The following TRAPPC8 variants were observed in gnomAD, a reference collection of about 807,000 sequenced individuals.
The protein encoded by TRAPPC8 is general sporulation gene 1 homolog.
Under a neutral mutation model 174.3 loss-of-function variants are expected in TRAPPC8, and 54 were observed. The observed-to-expected ratio is 0.31, with a 90% CI of 0.25 to 0.39. The LOEUF is 0.39. TRAPPC8 is among the 10% of genes least tolerant of loss of function. The pLI, the probability that TRAPPC8 is intolerant of heterozygous loss-of-function variation, is 1.00. For synonymous variants in TRAPPC8, 630 were observed against 579.9 expected, an observed-to-expected ratio of 1.09 and a Z score of -1.24; for missense variants, 1,531 against 1,699.1, an observed-to-expected ratio of 0.90 and a Z score of 1.74.
intron 12 of TRAPPC8, among the ~76,000 whole-genome samples, chr18:31,880,111 ATATATATATATTTT>A (rs1568082887): frequency 5.5e-5 from 5 of 90,364 alleles, no homozygotes; most frequent in African/African-American, 2.2e-4. Context: ...ATATATATAT[ATATATATATATTTT>A]TTTTTTTTTA....
intron 2 of TRAPPC8, among the ~76,000 whole-genome samples, chr18:31,925,570 C>A (rs145285468): frequency 6.6e-6 from 1 of 152,012 alleles, no homozygotes; most frequent in Non-Finnish European, 1.5e-5. Context: ...ACAGAGAGAA[C>A]AATAAGGGAG....
chr18:31,893,063 A>G lies in TRAPPC8; in HGVS notation c.1597-2197T>C, dbSNP rs1014521732. 3.3e-5 allele frequency among the ~76,000 whole-genome samples: 5 copies of G among 151,564 alleles called. No homozygotes were observed. In the East Asian group the frequency reaches 7.7e-4, roughly 23 times the overall value. ...AAAACAACATCTTGTTCCTTAACAT[A>G]CATTTCATTGTAGGACTGTTAATCT... On this transcript the variant is annotated intron_variant, in intron 11 of 28. Coordinates refer to ENST00000283351, the MANE Select transcript of TRAPPC8 (RefSeq NM_014939.5).
chr18:31,884,211 G>A (rs1598666759), intron 12 of TRAPPC8, among the ~76,000 whole-genome samples: 1 of 152,226 alleles, frequency 6.6e-6, no homozygotes, highest in Non-Finnish European at 1.5e-5. Flanking sequence ...AAAACCAGAT[G>A]GGAGTTTCCA....
chr18:31,934,472 CCAGT>C (rs772616339), intron 1 of TRAPPC8, among the ~76,000 whole-genome samples: 113 of 152,092 alleles, frequency 7.4e-4, no homozygotes, highest in Admixed American at 8.5e-4. Flanking sequence ...CCTAAACTTC[CCAGT>C]CAGTCTAATT....
At position 31,943,114 on chromosome 18, in the gene TRAPPC8, C is replaced by G. The variant is rs1197376396; in HGVS notation, c.-350G>C. 15 of 402,014 alleles carry G rather than the reference C, an allele frequency of 3.7e-5. No individual in the cohort carries two copies. Among genetic ancestry groups the G allele is most frequent in the African/African-American group, 2.3e-4 (11 of 48,604 alleles). 24.9% of individuals were successfully genotyped at this position (402,014 alleles called of 1,614,324 possible). ...CATGTTGAGGCCGAACCCTGACCAACCGGCAGTACTACTCCCAGCTGCCCC... is the reference window on the plus strand; with the variant it reads ...CATGTTGAGGCCGAACCCTGACCAAGCGGCAGTACTACTCCCAGCTGCCCC... On this transcript the variant is annotated 5_prime_UTR_variant, in exon 1 of 29. Coordinates refer to ENST00000283351, the MANE Select transcript of TRAPPC8 (RefSeq NM_014939.5).
chr18:31,909,038 C>A lies in TRAPPC8; in HGVS notation c.866-28G>T, dbSNP rs753279310. On this transcript the variant is annotated intron_variant, in intron 6 of 28. Coordinates refer to ENST00000283351, the MANE Select transcript of TRAPPC8 (RefSeq NM_014939.5). ...ACTGAAAAAGAGATTATTTCTTTTA[C>A]TCTCAGAATGCAACAGAAAACAGTG... 3 of 1,575,172 alleles carry A rather than the reference C, an allele frequency of 1.9e-6. No individual in the cohort carries two copies. The Admixed American group carries it at 5.2e-5, about 27-fold the overall frequency.
chr18:31,855,578 A>G (rs1389851380), intron 21 of TRAPPC8, 82 bp downstream of exon 21: 1 of 1,263,970 alleles, frequency 7.9e-7, no homozygotes, highest in Non-Finnish European at 1.1e-6. Context: ...TGTCTTGTAA[A>G]GGAAAACAAA....
chr18:31,913,256 T>A, intron 5 of TRAPPC8, 113 bp downstream of exon 5: 1 of 1,228,822 alleles, frequency 8.1e-7, no homozygotes, highest in Non-Finnish European at 1.1e-6. Context: ...CTCTGACAGA[T>A]CAAAACTGAC....
In TRAPPC8 at chr18:31,881,711, C is replaced by T. The variant is rs192994003; in HGVS notation, c.1729-7007G>A. 6.9e-4 allele frequency among the ~76,000 whole-genome samples: 105 copies of T among 152,038 alleles called. 1 individual carries two copies. Among genetic ancestry groups the T allele is most frequent in the Admixed American group, 4.7e-3 (72 of 15,268 alleles). On this transcript the variant is annotated intron_variant, in intron 12 of 28. Coordinates refer to ENST00000283351, the MANE Select transcript of TRAPPC8 (RefSeq NM_014939.5). ...AACTATTAGCAGAATAAATAACGTC[C>T]AAAATCTGAGAAAATACTTGCAAAC... is the stretch of plus-strand genomic sequence containing the variant.
chr18:31,912,984 C>T (rs1347027399), intron 5 of TRAPPC8, among the ~76,000 whole-genome samples: 1 of 151,958 alleles, frequency 6.6e-6, no homozygotes, highest in Non-Finnish European at 1.5e-5. Context: ...AAAAATTTGC[C>T]TGGCATGGTG....
intron 10 of TRAPPC8, 100 bp from the exon 11 acceptor site, chr18:31,897,991 T>C (rs374315904): frequency 4.2e-5 from 44 of 1,057,836 alleles, no homozygotes; most frequent in Middle Eastern, 3.0e-4. Flanking sequence ...TTTTAGAGGA[T>C]AGTTGCAGGG....
At chr18:31,911,321 A>G (rs1393794521) in intron 5 of TRAPPC8, among the ~76,000 whole-genome samples, 6 of 152,154 alleles carry the variant, frequency 3.9e-5, no homozygotes, top group Non-Finnish European at 7.3e-5. Flanking sequence ...GTTCAAGACC[A>G]GCCTAGCCAA....
intron 19 of TRAPPC8, among the ~76,000 whole-genome samples, chr18:31,861,326 T>C (rs2034310380): frequency 6.6e-6 from 1 of 152,210 alleles, no homozygotes; most frequent in South Asian, 2.1e-4. Flanking sequence ...AACAAAATTT[T>C]TCTAAAATTG....
At chr18:31,847,211 C>T (rs1335555866) in intron 25 of TRAPPC8, among the ~76,000 whole-genome samples, 1 of 152,200 alleles carries the variant, frequency 6.6e-6, no homozygotes, top group Non-Finnish European at 1.5e-5. Context: ...GGGTTTATCA[C>T]ACAGCTGAGC....
At position 31,857,668 on chromosome 18, in the gene TRAPPC8, A is replaced by G. The variant is rs1337796762; in HGVS notation, c.3060T>C (p.Pro1020=). The change falls in exon 20 of 29, where the codon CCT becomes CCC. Residue 1020 remains proline (P), a synonymous_variant. Transcript: ENST00000283351. ...SQPEVIPVPL[P]DTVLLPGASV... Reference sequence around the variant, plus strand: ...AGGCTCCGGGTAGAAGAACAGTGTCAGGAAGGGGAACAGGAATCACCTCTG... The same window carrying G: ...AGGCTCCGGGTAGAAGAACAGTGTCGGGAAGGGGAACAGGAATCACCTCTG... The G allele has an allele frequency of 1.2e-6, 2 of 1,614,174 alleles. No individual in the cohort carries two copies. The highest frequency in any genetic ancestry group is 1.7e-6 in the Non-Finnish European group (2 of 1,180,016).
intron 1 of TRAPPC8, among the ~76,000 whole-genome samples, chr18:31,935,454 G>T (rs11661525): frequency 0.25 from 36,491 of 145,806 alleles, 5,017 homozygotes; most frequent in South Asian, 0.51. Flanking sequence ...GGCAGGCTGA[G>T]GCAGAACTGC....
chr18:31,914,991 G>A (rs894647902), intron 4 of TRAPPC8, among the ~76,000 whole-genome samples: 1 of 152,182 alleles, frequency 6.6e-6, no homozygotes, highest in Non-Finnish European at 1.5e-5. Context: ...AAAAGTGCCT[G>A]TAAGCAAGTC....
At chr18:31,868,353 T>G (rs2145180850) in intron 16 of TRAPPC8, among the ~76,000 whole-genome samples, 1 of 152,332 alleles carries the variant, frequency 6.6e-6, no homozygotes, top group East Asian at 1.9e-4. Context: ...ATCCAGAGTT[T>G]GCAATTTATA....
intron 12 of TRAPPC8, 148 bp downstream of exon 12, chr18:31,890,587 G>T: frequency 1.4e-6 from 1 of 724,828 alleles, no homozygotes; most frequent in Non-Finnish European, 1.9e-6. Context: ...AGCCAGATTT[G>T]TCTAAATCCA....
Sources: allele counts gnomAD v4.1 joint callset (sites outside exome capture counted in the v4.1 genomes callset), GRCh38; gene constraint gnomAD v4.1.1; transcripts MANE v1.5; gene names NCBI Gene and HGNC (gene_info 2026-07-23, HGNC 2026-07-21).